Variants in FGF13 observed in about 807,000 individuals in gnomAD.
The protein encoded by FGF13 is fibroblast growth factor 13, also known as fibroblast growth factor homologous factor 2.
FGF13 carries 2 observed loss-of-function variants against 19.5 expected under a neutral mutation model. The ratio of observed to expected loss-of-function variants is 0.10; its 90% CI spans 0.04 to 0.32. FGF13 has a LOEUF of 0.32. FGF13 is among the 10% of genes least tolerant of loss of function. The pLI is 1.00. For synonymous variants in FGF13, 72 were observed against 76.9 expected (o/e 0.94, Z 0.33); for missense variants, 113 against 192.7 (o/e 0.59, Z 2.45).
intron 3 of FGF13, among the ~76,000 whole-genome samples, chrX:138,756,427 T>G (rs1392493251): frequency 8.9e-6 from 1 of 112,554 alleles, no homozygotes; most frequent in Admixed American, 9.4e-5. Flanking sequence ...GACTGCTGTG[T>G]GCTGGCTATT....
chrX:138,704,729 ACCACATG>A (rs1489217698), intron 2 of FGF13, among the ~76,000 whole-genome samples: 1 of 112,420 alleles, frequency 8.9e-6, no homozygotes, highest in African/African-American at 3.2e-5. Flanking sequence ...AAGTGTTCCT[ACCACATG>A]CCACTGATGG....
intron 1 of FGF13, among the ~76,000 whole-genome samples, chrX:138,718,278 T>C (rs1422597408): frequency 8.9e-6 from 1 of 112,246 alleles, no homozygotes; most frequent in Non-Finnish European, 1.9e-5. Flanking sequence ...GCAAAATATC[T>C]GTAACACTGG....
intron 1 of FGF13, among the ~76,000 whole-genome samples, chrX:138,931,253 G>GT (rs1214201417): frequency 2.1e-3 from 215 of 103,226 alleles, no homozygotes; most frequent in Middle Eastern, 0.01. Flanking sequence ...GAAAAGGGCT[G>GT]TTTTTTTTTT....
At chrX:138,913,058 T>A (rs2091596557) in intron 1 of FGF13, among the ~76,000 whole-genome samples, 1 of 110,404 alleles carries the variant, frequency 9.1e-6, no homozygotes, top group Admixed American at 9.7e-5. Flanking sequence ...TCCACAGCAA[T>A]AAACTGTAAA....
At chrX:138,869,678 C>A (rs944061604) in intron 1 of FGF13, among the ~76,000 whole-genome samples, 3 of 112,474 alleles carry the variant, frequency 2.7e-5, no homozygotes, top group Non-Finnish European at 5.6e-5. Context: ...TCCTTAGATA[C>A]TTAAAAGAAG....
rs2088958042 is a variant in FGF13 at position 138,615,205 on chromosome X, G to C, written c.*17645C>G. On this transcript the variant is annotated 3_prime_UTR_variant, in exon 5 of 5. Coordinates refer to ENST00000315930, the MANE Select transcript of FGF13 (RefSeq NM_004114.5). ...CACACACACACACACATACAAATTA[G>C]TGTATGTAAAACTAGAGAAGTCTGA... 1 of 111,184 alleles carries C rather than the reference G, an allele frequency of 9.0e-6. No homozygotes were observed. The highest frequency in any genetic ancestry group is 9.6e-5 in the Admixed American group (1 of 10,449). 9.2% of individuals were successfully genotyped at this position (111,184 alleles called of 1,213,427 possible).
intron 3 of FGF13, among the ~76,000 whole-genome samples, chrX:138,678,987 G>A (rs181885781): frequency 2.7e-5 from 3 of 112,123 alleles, no homozygotes; most frequent in East Asian, 2.8e-4. Context: ...ATTCAGCCAC[G>A]GTGATGGGAT....
intron 1 of FGF13, among the ~76,000 whole-genome samples, chrX:138,926,094 C>A (rs1363566636): frequency 1.8e-5 from 2 of 111,980 alleles, no homozygotes; most frequent in Non-Finnish European, 3.8e-5. Context: ...TGATCTCACT[C>A]TCCACTGCCA....
rs2089080204 is a variant in FGF13 at position 138,627,889 on chromosome X, T to C, written c.*4961A>G. On this transcript the variant is annotated 3_prime_UTR_variant, in exon 5 of 5. Transcript: ENST00000315930. ...ATGCCATGTATTATACTTGTCTGCA[T>C]TCTTTATTACGGTAAATGTGATGAG... 1 of 110,939 alleles carries C rather than the reference T, an allele frequency of 9.0e-6. No individual in the cohort carries two copies. 9.1% of individuals were successfully genotyped at this position (110,939 alleles called of 1,213,427 possible). A position where few individuals can be genotyped will look rare whatever the true frequency, so the allele number is the denominator to read the frequency against.
chrX:139,095,878 A>T (rs1346048935), intron 1 of FGF13, among the ~76,000 whole-genome samples: 6 of 112,028 alleles, frequency 5.4e-5, no homozygotes, highest in African/African-American at 2.0e-4. Flanking sequence ...GGTAGGGTGC[A>T]ATGCCAGGGA....
At chrX:138,901,727 T>C (rs761181595) in intron 1 of FGF13, among the ~76,000 whole-genome samples, 1 of 111,593 alleles carries the variant, frequency 9.0e-6, no homozygotes, top group South Asian at 3.8e-4. Flanking sequence ...AGCTAACCCA[T>C]CATTAAACCA....
chrX:139,108,663 TA>T (rs1194825586), intron 1 of FGF13, among the ~76,000 whole-genome samples: 5 of 111,058 alleles, frequency 4.5e-5, no homozygotes, highest in South Asian at 3.8e-4. Flanking sequence ...TTTATATATA[TA>T]TTTTTTTTAA....
At chrX:138,717,960 G>A (rs1175909961) in intron 1 of FGF13, among the ~76,000 whole-genome samples, 3 of 111,628 alleles carry the variant, frequency 2.7e-5, no homozygotes, top group African/African-American at 6.5e-5. Context: ...GATGAACTTG[G>A]AGCATGTGGA....
Position 139,054,899 on chromosome X carries a change from G to GTTGTGTTGTGTTGTA in FGF13, c.-113+148516_-113+148517insTACAACACAACACAA, listed in dbSNP as rs1556347171. Among the ~76,000 whole-genome samples, 773 of 98,907 alleles carry GTTGTGTTGTGTTGTA rather than the reference G, an allele frequency of 7.8e-3. 13 individuals carry two copies. The highest frequency in any genetic ancestry group is 0.025 in the African/African-American group (596 of 24,251). The allele number at this position is 98,907 out of a possible 115,157, so 85.9% of individuals were successfully genotyped here. On this transcript the variant is annotated intron_variant, in intron 1 of 2. Coordinates refer to the FGF13 transcript ENST00000421460. ...GTTGTGTTGTGTTGTGTTGTGTTGT[G>GTTGTGTTGTGTTGTA]TTGTATTGTATTGTATTGTATTGTA...
At chrX:139,168,546 T>G (rs1301405443) in intron 1 of FGF13, among the ~76,000 whole-genome samples, 2 of 111,750 alleles carry the variant, frequency 1.8e-5, no homozygotes, top group Non-Finnish European at 3.8e-5. Context: ...GCTAAAATAA[T>G]TAAAACACAA....
chrX:139,190,426 G>A (rs1435855475), intron 1 of FGF13, among the ~76,000 whole-genome samples: 1 of 111,622 alleles, frequency 9.0e-6, no homozygotes, highest in African/African-American at 3.3e-5. Flanking sequence ...GTCAATCCTT[G>A]ATTCTGCTAT....
At chrX:139,007,257 T>C (rs1346793437) in intron 1 of FGF13, among the ~76,000 whole-genome samples, 1 of 110,171 alleles carries the variant, frequency 9.1e-6, no homozygotes, top group Non-Finnish European at 1.9e-5. Context: ...AAAAAGAAAG[T>C]CACTGTATAA....
At chrX:138,964,441 A>G (rs1448468105) in intron 1 of FGF13, among the ~76,000 whole-genome samples, 1 of 111,677 alleles carries the variant, frequency 9.0e-6, no homozygotes, top group Non-Finnish European at 1.9e-5. Flanking sequence ...TAAAATATCC[A>G]GAGGGGGTGA....
At chrX:138,649,485 T>C (rs765203049) in intron 3 of FGF13, among the ~76,000 whole-genome samples, 3 of 111,596 alleles carry the variant, frequency 2.7e-5, no homozygotes, top group Non-Finnish European at 3.8e-5. Flanking sequence ...GTACCAGATA[T>C]ACATTCTTTT....
Sources: gnomAD v4.1 joint callset for allele counts (sites outside exome capture counted in the v4.1 genomes callset) on GRCh38, gnomAD v4.1.1 for gene constraint, MANE v1.5 for transcripts, NCBI Gene and HGNC (gene_info 2026-07-23, HGNC 2026-07-21) for gene names.